Variants in CCDC102B observed in about 807,000 individuals in gnomAD.
The protein encoded by CCDC102B is coiled-coil domain-containing protein 102B.
In CCDC102B, 75 loss-of-function variants were observed where a neutral mutation model predicts 57.4. That is an observed-to-expected ratio of 1.31 (90% CI 1.08 to 1.58). CCDC102B has a LOEUF of 1.58. CCDC102B is among the 40% of genes most tolerant of loss of function. The pLI, the probability that CCDC102B is intolerant of heterozygous loss-of-function variation, is 0.00. For synonymous variants in CCDC102B, 206 were observed against 201.9 expected (o/e 1.02, Z -0.17); for missense variants, 636 against 582.6 (o/e 1.09, Z -0.94).
chr18:68,815,453 G>C (rs752294403), intron 1 of CCDC102B, among the ~76,000 whole-genome samples: 2 of 152,136 alleles, frequency 1.3e-5, no homozygotes, highest in Non-Finnish European at 2.9e-5. Context: ...CCATGTCCTA[G>C]TCACTGTGAA....
chr18:68,830,004 A>ACTGTGATAGGAATTATTTCATAGAG (rs1280074537), intron 1 of CCDC102B, among the ~76,000 whole-genome samples: 3 of 152,016 alleles, frequency 2.0e-5, no homozygotes, highest in African/African-American at 7.2e-5. Context: ...TTGTAGTGGA[A>ACTGTGATAGGAATTATTTCATAGAG]CTGTGATAGG....
intron 6 of CCDC102B, among the ~76,000 whole-genome samples, chr18:69,001,155 C>A (rs1208740708): frequency 6.6e-6 from 1 of 152,106 alleles, no homozygotes. Context: ...TCAATCATTC[C>A]TCTTCATATC....
At position 68,756,689 on chromosome 18, in the gene CCDC102B, A is replaced by G. The variant is rs929647715; in HGVS notation, c.-67+40095A>G. ...GCTATACTTGGTACCCCAAACAATG[A>G]TCAAGGCAGAAATGGAAGAGGTATT... On this transcript the variant is annotated intron_variant, in intron 2 of 3. Transcript: ENST00000578970. Among the ~76,000 whole-genome samples, 24 of 152,134 alleles carry G rather than the reference A, an allele frequency of 1.6e-4. 1 individual carries two copies. The highest frequency in any genetic ancestry group is 9.8e-4 in the Admixed American group (15 of 15,254).
intron 7 of CCDC102B, among the ~76,000 whole-genome samples, chr18:69,043,689 G>T (rs1050554497): frequency 1.3e-5 from 2 of 151,980 alleles, no homozygotes; most frequent in African/African-American, 4.8e-5. Flanking sequence ...CAGGGTTGGG[G>T]GTAAGGTCAT....
At chr18:68,822,995 C>G (rs899553877) in intron 1 of CCDC102B, among the ~76,000 whole-genome samples, 2 of 152,154 alleles carry the variant, frequency 1.3e-5, no homozygotes, top group African/African-American at 4.8e-5. Flanking sequence ...CCCCCACACT[C>G]CCCTGTAGCA....
chr18:68,991,868 T>A (rs1385676288), intron 6 of CCDC102B, among the ~76,000 whole-genome samples: 1 of 152,180 alleles, frequency 6.6e-6, no homozygotes, highest in African/African-American at 2.4e-5. Context: ...ACTGACATTA[T>A]TTTTATTTAG....
At chr18:68,731,434 TC>T (rs1199295870) in intron 2 of CCDC102B, among the ~76,000 whole-genome samples, 1 of 152,058 alleles carries the variant, frequency 6.6e-6, no homozygotes, top group Non-Finnish European at 1.5e-5. Context: ...CACTCCCTTA[TC>T]CTTTCCTTCC....
intron 2 of CCDC102B, among the ~76,000 whole-genome samples, chr18:68,756,419 G>A (rs2034053471): frequency 6.6e-6 from 1 of 152,132 alleles, no homozygotes; most frequent in Admixed American, 6.6e-5. Flanking sequence ...CAATAACTCT[G>A]TAAGAGAAAG....
At chr18:69,051,158 A>G (rs1023678841) in intron 7 of CCDC102B, among the ~76,000 whole-genome samples, 12 of 152,200 alleles carry the variant, frequency 7.9e-5, no homozygotes, top group Admixed American at 3.9e-4. Context: ...TGCAGAGATT[A>G]TAGATGTGAG....
intron 7 of CCDC102B, among the ~76,000 whole-genome samples, chr18:69,013,528 TAAA>T (rs1380559974): frequency 6.6e-6 from 1 of 151,898 alleles, no homozygotes; most frequent in Non-Finnish European, 1.5e-5. Flanking sequence ...TTTGTTCAAA[TAAA>T]AAAAGAAATA....
chr18:68,792,405 G>A (rs1240724173), intron 2 of CCDC102B, among the ~76,000 whole-genome samples: 1 of 152,148 alleles, frequency 6.6e-6, no homozygotes, highest in Non-Finnish European at 1.5e-5. Context: ...TTGAGAGGTA[G>A]CAACGTAAGT....
intron 1 of CCDC102B, among the ~76,000 whole-genome samples, chr18:68,804,876 TTTTATGTTGAGGGTA>T (rs923422769): frequency 1.3e-5 from 2 of 151,848 alleles, no homozygotes; most frequent in Non-Finnish European, 2.9e-5. Context: ...TTTTTTTTTT[TTTTATGTTGAGGGTA>T]TTATAGCATG....
intron 6 of CCDC102B, among the ~76,000 whole-genome samples, chr18:68,908,990 T>G (rs2040739578): frequency 6.6e-6 from 1 of 151,916 alleles, no homozygotes; most frequent in African/African-American, 2.4e-5. Flanking sequence ...AGGTAATGAT[T>G]GGTAATTTAA....
At chr18:68,807,798 T>G (rs1297368377) in intron 1 of CCDC102B, among the ~76,000 whole-genome samples, 1 of 152,152 alleles carries the variant, frequency 6.6e-6, no homozygotes, top group African/African-American at 2.4e-5. Context: ...TACTTTCTAG[T>G]TAAATTTTTT....
intron 2 of CCDC102B, among the ~76,000 whole-genome samples, chr18:68,756,849 T>C (rs1022357827): frequency 1.3e-5 from 2 of 152,032 alleles, no homozygotes; most frequent in African/African-American, 4.8e-5. Context: ...CAGTATTGCA[T>C]AGCATATTGA....
chr18:68,853,972 T>A (rs2038262559), intron 4 of CCDC102B, among the ~76,000 whole-genome samples: 1 of 152,214 alleles, frequency 6.6e-6, no homozygotes, highest in Non-Finnish European at 1.5e-5. Context: ...TGAACCCACC[T>A]GTGCAGAGGA....
chr18:68,763,028 T>C (rs1347456448), intron 2 of CCDC102B, among the ~76,000 whole-genome samples: 2 of 152,120 alleles, frequency 1.3e-5, no homozygotes, highest in Non-Finnish European at 2.9e-5. Flanking sequence ...TTGATTTATA[T>C]AGCATTATTT....
intron 2 of CCDC102B, among the ~76,000 whole-genome samples, chr18:68,765,315 AG>A (rs1555698354): frequency 1.4e-5 from 1 of 70,468 alleles, no homozygotes; most frequent in South Asian, 6.3e-4. Flanking sequence ...GAAGGAAGGA[AG>A]GAAGGAAGGA....
In CCDC102B at chr18:68,719,887, C is replaced by T. The variant is rs558921114; in HGVS notation, c.-67+3293C>T. Reference sequence around the variant, plus strand: ...CATGTGAGAATGGAAAACAAACAGGCCCATTTCACTTGTGAACAAAAATGG... The same window carrying T: ...CATGTGAGAATGGAAAACAAACAGGTCCATTTCACTTGTGAACAAAAATGG... On this transcript the variant is annotated intron_variant, in intron 2 of 3. Transcript: ENST00000578970. Among the ~76,000 whole-genome samples, 33 of 152,206 alleles carry T rather than the reference C, an allele frequency of 2.2e-4. 1 individual carries two copies. In the East Asian group the frequency reaches 4.2e-3, roughly 20 times the overall value.
Sources: gnomAD v4.1 joint callset for allele counts (sites outside exome capture counted in the v4.1 genomes callset) on GRCh38, gnomAD v4.1.1 for gene constraint, MANE v1.5 for transcripts, NCBI Gene and HGNC (gene_info 2026-07-23, HGNC 2026-07-21) for gene names.